SYT1: variants seen among roughly 807,000 people sequenced by gnomAD.
SYT1 encodes synaptotagmin-1.
A neutral mutation model predicts 44.8 loss-of-function variants in SYT1; 8 were observed. That is an observed-to-expected ratio of 0.18 (90% confidence interval 0.10 to 0.32). SYT1 has a LOEUF of 0.32. SYT1 is among the 10% of genes least tolerant of loss of function. SYT1 has a pLI of 1.00. For missense variants in SYT1, 286 were observed against 509.3 expected (o/e 0.56, Z 4.22); for synonymous variants, 154 against 188.8 (o/e 0.82, Z 1.51).
intron 9 of SYT1, among the ~76,000 whole-genome samples, chr12:79,420,131 C>T (rs1361806903): frequency 6.6e-6 from 1 of 152,080 alleles, no homozygotes; most frequent in Non-Finnish European, 1.5e-5. Context: ...AACATAGCTC[C>T]TTGTGCAAAT....
intron 2 of SYT1, among the ~76,000 whole-genome samples, chr12:79,031,756 C>T (rs551333011): frequency 5.3e-5 from 8 of 151,016 alleles, no homozygotes; most frequent in African/African-American, 1.7e-4. Flanking sequence ...AAAAATGAGA[C>T]ATAGAATAAG....
chr12:78,930,149 G>A (rs1040510628), intron 1 of SYT1, among the ~76,000 whole-genome samples: 2 of 152,066 alleles, frequency 1.3e-5, no homozygotes, highest in Admixed American at 6.6e-5. Context: ...TTTCAAAATT[G>A]CTTATAATAG....
chr12:78,968,380 C>T (rs1391301846), intron 1 of SYT1, among the ~76,000 whole-genome samples: 2 of 151,998 alleles, frequency 1.3e-5, no homozygotes, highest in Admixed American at 1.3e-4. Flanking sequence ...CCCCTCTAGC[C>T]CCCACCACCC....
intron 3 of SYT1, among the ~76,000 whole-genome samples, chr12:79,085,494 ACCT>A (rs781256303): frequency 1.1e-3 from 174 of 152,172 alleles, no homozygotes; most frequent in Non-Finnish European, 1.5e-3. Flanking sequence ...CAGGGCAGAC[ACCT>A]CCTCCAGTGC....
At chr12:79,154,441 C>T (rs887897810) in intron 3 of SYT1, among the ~76,000 whole-genome samples, 1 of 149,426 alleles carries the variant, frequency 6.7e-6, no homozygotes, top group East Asian at 2.0e-4. Context: ...ATCTGAGGGA[C>T]AGAGAAGTTA....
At chr12:78,962,986 CA>C (rs776317028) in intron 1 of SYT1, among the ~76,000 whole-genome samples, 31 of 152,212 alleles carry the variant, frequency 2.0e-4, no homozygotes, top group Admixed American at 6.5e-4. Flanking sequence ...TAGTCTCGGG[CA>C]ACCACCATTC....
At chr12:79,254,923 T>C (rs984686868) in intron 4 of SYT1, among the ~76,000 whole-genome samples, 1 of 152,156 alleles carries the variant, frequency 6.6e-6, no homozygotes, top group African/African-American at 2.4e-5. Flanking sequence ...TTCTTATGGA[T>C]GAGCAAAGAA....
At chr12:79,199,999 T>G (rs892063887) in intron 3 of SYT1, among the ~76,000 whole-genome samples, 34 of 152,158 alleles carry the variant, frequency 2.2e-4, no homozygotes, top group Non-Finnish European at 4.1e-4. Flanking sequence ...AGCATAAATT[T>G]TTTTTTATTA....
intron 3 of SYT1, among the ~76,000 whole-genome samples, chr12:79,181,800 T>C (rs1872562420): frequency 6.6e-6 from 1 of 152,086 alleles, no homozygotes. Context: ...CCTTAGTTTT[T>C]AGTTCACATG....
At chr12:79,133,054 G>A (rs1868952061) in intron 3 of SYT1, among the ~76,000 whole-genome samples, 1 of 152,130 alleles carries the variant, frequency 6.6e-6, no homozygotes, top group Non-Finnish European at 1.5e-5. Flanking sequence ...CTCTCATGGA[G>A]GAAGAGAATA....
chr12:79,310,577 T>C (rs1382296027), intron 8 of SYT1, among the ~76,000 whole-genome samples: 1 of 152,208 alleles, frequency 6.6e-6, no homozygotes, highest in Non-Finnish European at 1.5e-5. Context: ...TTGATGGGAA[T>C]GGCATTGAAT....
chr12:78,919,363 C>G (rs1876850882), intron 1 of SYT1, among the ~76,000 whole-genome samples: 2 of 152,028 alleles, frequency 1.3e-5, no homozygotes, highest in Admixed American at 1.3e-4. Context: ...AAGCTCCATA[C>G]CAGGTGAGAC....
At chr12:78,904,208 A>G (rs1319310790) in intron 1 of SYT1, among the ~76,000 whole-genome samples, 2 of 152,132 alleles carry the variant, frequency 1.3e-5, no homozygotes, top group African/African-American at 2.4e-5. Flanking sequence ...ATTTTTATAG[A>G]CAATGTTTTC....
chr12:79,055,798 G>A (rs1479697069), intron 3 of SYT1, among the ~76,000 whole-genome samples: 2 of 151,832 alleles, frequency 1.3e-5, no homozygotes, highest in African/African-American at 4.8e-5. Flanking sequence ...AAACATCTTA[G>A]TAATATCAAA....
chr12:78,945,855 G>A (rs758694249), intron 1 of SYT1, among the ~76,000 whole-genome samples: 2 of 151,942 alleles, frequency 1.3e-5, no homozygotes, highest in Non-Finnish European at 2.9e-5. Flanking sequence ...ACCTATAATC[G>A]AAGGCAGCCC....
intron 1 of SYT1, among the ~76,000 whole-genome samples, chr12:78,941,428 C>A (rs1427785078): frequency 7.0e-6 from 1 of 143,584 alleles, no homozygotes. Flanking sequence ...CACACACACA[C>A]ACACACATTA....
intron 3 of SYT1, among the ~76,000 whole-genome samples, chr12:79,147,063 A>T (rs534290073): frequency 6.6e-6 from 1 of 151,938 alleles, no homozygotes; most frequent in East Asian, 1.9e-4. Context: ...CTGGTCTCGA[A>T]CTCCTCACCT....
At chr12:79,346,447 G>T (rs1882611123) in intron 8 of SYT1, among the ~76,000 whole-genome samples, 2 of 152,064 alleles carry the variant, frequency 1.3e-5, no homozygotes, top group South Asian at 4.1e-4. Flanking sequence ...ACACTAACTG[G>T]CAGTTTCCAC....
In SYT1 at chr12:79,217,146, G is replaced by T. The variant is rs148776704; in HGVS notation, c.-17-357G>T. 3.6e-4 allele frequency among the ~76,000 whole-genome samples: 55 copies of T among 152,222 alleles called. No homozygotes were observed. In the East Asian group the frequency reaches 9.8e-3, roughly 27 times the overall value. ...ACAAAATATTTAAAGTATAAAGCATGTATTTCATCAAGAATTGTTTCATAC... is the reference window on the plus strand; with the variant it reads ...ACAAAATATTTAAAGTATAAAGCATTTATTTCATCAAGAATTGTTTCATAC... On this transcript the variant is annotated intron_variant, in intron 3 of 10. Coordinates refer to ENST00000261205, the MANE Select transcript of SYT1 (RefSeq NM_005639.3).
Sources: gnomAD v4.1 joint callset for allele counts (sites outside exome capture counted in the v4.1 genomes callset) on GRCh38, gnomAD v4.1.1 for gene constraint, MANE v1.5 for transcripts, NCBI Gene and HGNC (gene_info 2026-07-23, HGNC 2026-07-21) for gene names.